The following SWT1 variants were observed in gnomAD, a reference collection of about 807,000 sequenced individuals.
SWT1 encodes the protein transcriptional protein SWT1.
Under a neutral mutation model 107.3 loss-of-function variants are expected in SWT1, and 33 were observed. The observed-to-expected ratio is 0.31, with a 90% CI of 0.23 to 0.41. The LOEUF (loss-of-function observed/expected upper bound fraction) is 0.41. Ranked by LOEUF, SWT1 falls within the 10% of genes least tolerant of loss-of-function variation. The pLI is 1.00. For synonymous variants in SWT1, 345 were observed against 348.3 expected (o/e 0.99, Z 0.11); for missense variants, 898 against 1,028.9 (o/e 0.87, Z 1.74).
intron 16 of SWT1, chr1:185,257,824 T>G (rs1662719328): frequency 6.6e-6 from 1 of 152,262 alleles, no homozygotes. Flanking sequence ...TATTTTTTAT[T>G]GTGATTATTG....
intron 15 of SWT1, among the ~76,000 whole-genome samples, chr1:185,227,879 G>A (rs1010792172): frequency 3.3e-5 from 5 of 151,816 alleles, no homozygotes; most frequent in African/African-American, 7.3e-5. Flanking sequence ...TGCTTCAGTC[G>A]AAGAGTTTGA....
intron 9 of SWT1, among the ~76,000 whole-genome samples, chr1:185,190,096 C>T (rs1277640513): frequency 1.3e-5 from 2 of 152,186 alleles, no homozygotes; most frequent in Non-Finnish European, 2.9e-5. Context: ...GATCTGCACA[C>T]CTCGGCCTCC....
chr1:185,202,457 A>T (rs570127518), intron 10 of SWT1, among the ~76,000 whole-genome samples, 197 bp from the exon 11 acceptor site: 2 of 151,140 alleles, frequency 1.3e-5, no homozygotes, highest in Admixed American at 6.6e-5. Flanking sequence ...AAATAGATTT[A>T]TATATATATA....
rs1156354212 is a variant in SWT1 at position 185,160,834 on chromosome 1, T to G, written c.-8T>G. The G allele has an allele frequency of 6.2e-7, 1 of 1,606,492 alleles. No individual in the cohort carries two copies. The highest frequency in any genetic ancestry group is 2.2e-5 in the East Asian group (1 of 44,772). Reference sequence around the variant, plus strand: ...CTATATTTTTAATGTTTATGTTAGCTTTTCAGGATGTCCAGCAAAGAATCC... The same window carrying G: ...CTATATTTTTAATGTTTATGTTAGCGTTTCAGGATGTCCAGCAAAGAATCC... On this transcript the variant is annotated splice_region_variant and 5_prime_UTR_variant, in exon 2 of 19. Transcript: ENST00000367500.
intron 4 of SWT1, among the ~76,000 whole-genome samples, chr1:185,172,340 T>C (rs1655145953): frequency 6.6e-6 from 1 of 152,242 alleles, no homozygotes; most frequent in Non-Finnish European, 1.5e-5. Context: ...TGTACAGATT[T>C]GTATCCTGCT....
At position 185,206,740 on chromosome 1, in the gene SWT1, G is replaced by T. The variant is rs759278110; in HGVS notation, c.1949G>T (p.Ser650Ile). ...MEKNLLLTIE[S>I]LYKNLRKANK... ...AAGAACTTGCTTTTAACTATTGAGA[G>T]CCTATACAAAAATCTCCGTAAAGGT... The change falls in exon 13 of 19, where the codon AGC becomes ATC. Residue 650 changes from serine to isoleucine, a missense_variant. Ser to Ile is a moderately radical substitution (Grantham distance 142, BLOSUM62 -2). Transcript: ENST00000367500. 1.9e-6 allele frequency: 3 copies of T among 1,599,412 alleles called. No homozygotes were observed. Among genetic ancestry groups the T allele is most frequent in the Non-Finnish European group, 2.6e-6 (3 of 1,174,480 alleles).
rs7536309 is a variant in SWT1, at chr1:185,157,182, A to C, written c.-142A>C. The stretch of plus-strand genomic sequence containing the variant: ...GTGGGGCGGTGAGTAGGTAGTGCGG[A>C]TGCGGGCGCAGAACTACGTTTCCCA... On this transcript the variant is annotated 5_prime_UTR_variant, in exon 1 of 19. An upstream start codon of the reference 5' UTR is lost. Coordinates refer to ENST00000367500, the MANE Select transcript of SWT1 (RefSeq NM_017673.7). The C allele has an allele frequency of 1.5e-3, 234 of 160,924 alleles. No homozygotes were observed. The highest frequency in any genetic ancestry group is 5.2e-3 in the African/African-American group (218 of 41,626). 10.0% of individuals were successfully genotyped at this position (160,924 alleles called of 1,614,324 possible).
intron 10 of SWT1, among the ~76,000 whole-genome samples, chr1:185,196,880 C>G (rs1657436049): frequency 6.6e-6 from 1 of 151,788 alleles, no homozygotes; most frequent in African/African-American, 2.4e-5. Flanking sequence ...AGAAAATATG[C>G]AATCATGTCA....
chr1:185,168,890 C>CT lies in SWT1; in HGVS notation c.224+497dup, dbSNP rs1270816881. ...AAATTATTATTCTTTAATTTCTGCA[C>CT]TTTTTGGATAAAAATTTCAGTGAAA... is the stretch of plus-strand genomic sequence containing the variant. On this transcript the variant is annotated intron_variant, in intron 4 of 18. Coordinates refer to ENST00000367500, the MANE Select transcript of SWT1 (RefSeq NM_017673.7). 2.0e-5 allele frequency among the ~76,000 whole-genome samples: 3 copies of CT among 152,146 alleles called. No homozygotes were observed. The South Asian group carries it at 6.2e-4, about 32-fold the overall frequency.
At chr1:185,280,756 TG>T in intron 18 of SWT1, 1 of 266,114 alleles carries the variant, frequency 3.8e-6, no homozygotes, top group Non-Finnish European at 7.5e-6. Context: ...TAGGAGAAGC[TG>T]GGCCTGGAGG....
chr1:185,163,393 C>CT lies in SWT1; in HGVS notation c.84+2486dup, dbSNP rs575075692. On this transcript the variant is annotated intron_variant, in intron 2 of 18. Transcript: ENST00000367500. ...AGAAGCAACTCCTAATCCATGAAAG[C>CT]TTTTTTTTTTTTTTTTTTGAAACAG... Among the ~76,000 whole-genome samples the CT allele has an allele frequency of 8.4e-3, 1,127 of 134,880 alleles. 8 individuals are homozygous for CT. The highest frequency in any genetic ancestry group is 0.031 in the East Asian group (146 of 4,678). 88.5% of individuals were successfully genotyped at this position (134,880 alleles called of 152,430 possible). A position where few individuals can be genotyped will look rare whatever the true frequency, so the allele number is the denominator to read the frequency against.
chr1:185,287,016 T>C (rs948664377), intron 18 of SWT1, among the ~76,000 whole-genome samples: 1 of 152,186 alleles, frequency 6.6e-6, no homozygotes, highest in African/African-American at 2.4e-5. Context: ...TTTTCTTTTA[T>C]TTGACGTACA....
intron 16 of SWT1, 35 bp downstream of exon 16, chr1:185,231,743 T>C: frequency 1.3e-6 from 2 of 1,532,956 alleles, no homozygotes; most frequent in Non-Finnish European, 1.8e-6. Context: ...TGTTATTTAC[T>C]TATTACTTTT....
chr1:185,203,411 G>T (rs1481463683), intron 11 of SWT1, among the ~76,000 whole-genome samples: 1 of 152,044 alleles, frequency 6.6e-6, no homozygotes, highest in Non-Finnish European at 1.5e-5. Context: ...ATCACCTGAG[G>T]AGTTCGAGAC....
intron 4 of SWT1, chr1:185,171,367 G>T: frequency 4.5e-6 from 1 of 223,462 alleles, no homozygotes; most frequent in Non-Finnish European, 9.5e-6. Flanking sequence ...GTTTGTTCTG[G>T]TTAATTTGGA....
At chr1:185,275,799 C>T (rs1664202883) in intron 17 of SWT1, among the ~76,000 whole-genome samples, 1 of 152,066 alleles carries the variant, frequency 6.6e-6, no homozygotes, top group Admixed American at 6.6e-5. Flanking sequence ...ATAAGCAATA[C>T]ATTGAATCAT....
In SWT1 at chr1:185,184,370, T is replaced by C; in HGVS notation, c.1240+26T>C. 2.3e-6 allele frequency: 3 copies of C among 1,311,864 alleles called. No homozygotes were observed. The South Asian group carries it at 3.8e-5, about 17-fold the overall frequency. The allele number at this position is 1,311,864 out of a possible 1,614,324, so 81.3% of individuals were successfully genotyped here. A position where few individuals can be genotyped will look rare whatever the true frequency, so the allele number is the denominator to read the frequency against. ...GTATTTACAGAACATATTTAAAGAT[T>C]CTGATTTTCTTCCTTGAGTTGATAT... On this transcript the variant is annotated intron_variant, in intron 8 of 18. Transcript: ENST00000367500.
intron 17 of SWT1, among the ~76,000 whole-genome samples, chr1:185,274,349 T>TATATATAGA (rs1664096336): frequency 1.3e-5 from 2 of 149,260 alleles, no homozygotes; most frequent in African/African-American, 4.9e-5. Flanking sequence ...ATATATATAT[T>TATATATAGA]TGTCACAGTC....
intron 11 of SWT1, among the ~76,000 whole-genome samples, chr1:185,204,312 GA>G (rs748813816): frequency 7.9e-5 from 12 of 151,796 alleles, no homozygotes; most frequent in Admixed American, 1.3e-4. Context: ...TCCATTTTTG[GA>G]AAAAAACCCA....
Sources: allele counts gnomAD v4.1 joint callset (sites outside exome capture counted in the v4.1 genomes callset), GRCh38; gene constraint gnomAD v4.1.1; transcripts MANE v1.5; gene names NCBI Gene and HGNC (gene_info 2026-07-23, HGNC 2026-07-21).